The following KDM5A variants were observed in gnomAD, a reference collection of about 807,000 sequenced individuals.
KDM5A encodes the protein lysine demethylase 5A.
A neutral mutation model predicts 193.5 loss-of-function variants in KDM5A; 42 were observed. The ratio of observed to expected loss-of-function variants is 0.22; its 90% CI spans 0.17 to 0.28. KDM5A has a LOEUF of 0.28. Among genes scored for constraint, KDM5A ranks in the 10% least tolerant of loss-of-function variants. The probability of loss-of-function intolerance (pLI) is 1.00; values close to 1 mark genes in which losing one functional copy is unlikely to be tolerated. For synonymous variants in KDM5A, 796 were observed against 718.1 expected (o/e 1.11, Z -1.73); for missense variants, 1,692 against 2,055.1 (o/e 0.82, Z 3.42).
intron 5 of KDM5A, among the ~76,000 whole-genome samples, chr12:360,980 T>C (rs1944287151): frequency 6.6e-6 from 1 of 152,154 alleles, no homozygotes; most frequent in Non-Finnish European, 1.5e-5. Context: ...AGTAGTTTTG[T>C]GTACGGGGCA....
At chr12:306,517 C>A (rs1430279692) in intron 24 of KDM5A, among the ~76,000 whole-genome samples, 1 of 152,000 alleles carries the variant, frequency 6.6e-6, no homozygotes, top group Non-Finnish European at 1.5e-5. Flanking sequence ...CCGAGGCAGG[C>A]AGGTCACTTC....
rs183438937 is a variant in KDM5A at position 280,232 on chromosome 12, T to A, written c.*5224A>T. On this transcript the variant is annotated 3_prime_UTR_variant, in exon 28 of 28. Transcript: ENST00000399788. ...CTACTTTTACAATGTGTACAATGTT[T>A]CACCATGTTCCAATTAATGGTTGAG... 2.6e-5 allele frequency: 6 copies of A among 232,960 alleles called. No individual in the cohort carries two copies. The highest frequency in any genetic ancestry group is 1.3e-4 in the African/African-American group (6 of 45,464). The allele number at this position is 232,960 out of a possible 1,614,324, so 14.4% of individuals were successfully genotyped here.
chr12:388,573 A>G, intron 1 of KDM5A: 2 of 381,144 alleles, frequency 5.2e-6, no homozygotes, highest in Non-Finnish European at 1.0e-5. Context: ...ATAAAGAGAT[A>G]GCCGACTATC....
In KDM5A at chr12:281,492, A is replaced by C. The variant is rs1943153644; in HGVS notation, c.*3964T>G. On this transcript the variant is annotated 3_prime_UTR_variant, in exon 28 of 28. Coordinates refer to ENST00000399788, the MANE Select transcript of KDM5A (RefSeq NM_001042603.3). ...ATTCTTCCTCATACTACAGTAGGAGATACCACTTGGGACATTCATATCCAA... is the reference window on the plus strand; with the variant it reads ...ATTCTTCCTCATACTACAGTAGGAGCTACCACTTGGGACATTCATATCCAA... The C allele has an allele frequency of 4.3e-6, 1 of 233,122 alleles. No individual in the cohort carries two copies. The highest frequency in any genetic ancestry group is 8.5e-6 in the Non-Finnish European group (1 of 118,040). 14.4% of individuals were successfully genotyped at this position (233,122 alleles called of 1,614,324 possible). A position where few individuals can be genotyped will look rare whatever the true frequency, so the allele number is the denominator to read the frequency against.
intron 3 of KDM5A, among the ~76,000 whole-genome samples, chr12:372,806 T>C (rs1053587919): frequency 6.6e-6 from 1 of 152,224 alleles, no homozygotes; most frequent in African/African-American, 2.4e-5. Context: ...CATGAAGCAT[T>C]GTTGAATTTT....
intron 9 of KDM5A, 28 bp downstream of exon 9, chr12:352,176 CG>C: frequency 3.8e-6 from 6 of 1,597,370 alleles, no homozygotes; most frequent in Non-Finnish European, 5.1e-6. Flanking sequence ...TGTACCTCCC[CG>C]GACCGACCTA....
At chr12:326,469 A>G (rs1020196392) in intron 14 of KDM5A, among the ~76,000 whole-genome samples, 1 of 152,250 alleles carries the variant, frequency 6.6e-6, no homozygotes, top group Admixed American at 6.5e-5. Context: ...ACAATCAAAG[A>G]GACTAAAAAA....
intron 24 of KDM5A, 139 bp from the exon 25 acceptor site, chr12:297,339 A>G: frequency 1.3e-6 from 1 of 782,730 alleles, no homozygotes; most frequent in South Asian, 1.6e-5. Flanking sequence ...CTGATGTTAA[A>G]TAAGATAGAA....
At chr12:362,465 T>A (rs1214606842) in intron 5 of KDM5A, among the ~76,000 whole-genome samples, 1 of 152,230 alleles carries the variant, frequency 6.6e-6, no homozygotes, top group Non-Finnish European at 1.5e-5. Context: ...ATTTATACTC[T>A]GGTTTTTAAA....
intron 10 of KDM5A, among the ~76,000 whole-genome samples, chr12:350,295 G>C (rs1400999313): frequency 6.6e-6 from 1 of 151,968 alleles, no homozygotes; most frequent in East Asian, 1.9e-4. Context: ...AATTAGCCGG[G>C]CATAATAGCG....
At chr12:319,356 C>T (rs1018360557) in intron 18 of KDM5A, among the ~76,000 whole-genome samples, 2 of 152,142 alleles carry the variant, frequency 1.3e-5, no homozygotes, top group African/African-American at 4.8e-5. Context: ...GGACAATAAA[C>T]GGTTTGCTTT....
At chr12:357,101 G>T (rs892527567) in intron 5 of KDM5A, among the ~76,000 whole-genome samples, 8 of 152,012 alleles carry the variant, frequency 5.3e-5, no homozygotes, top group African/African-American at 1.9e-4. Flanking sequence ...ACAACACAGG[G>T]GAGACCCCAT....
intron 14 of KDM5A, among the ~76,000 whole-genome samples, chr12:328,126 TAC>T (rs1272548652): frequency 2.6e-5 from 4 of 152,226 alleles, no homozygotes; most frequent in Admixed American, 2.6e-4. Context: ...CATGGGTATA[TAC>T]AGAGTCAAAA....
Position 349,855 on chromosome 12 carries a change from C to T in KDM5A, c.1308+766G>A, listed in dbSNP as rs563738398. Among the ~76,000 whole-genome samples the T allele has an allele frequency of 3.9e-3, 589 of 152,018 alleles. 3 individuals carry two copies. Among genetic ancestry groups the T allele is most frequent in the African/African-American group, 0.012 (497 of 41,448 alleles). ...GTTTTAAAATGCAGAGCTGGCCGGG[C>T]GCAGTGACTCACGCCTGTAATCCCA... On this transcript the variant is annotated intron_variant, in intron 10 of 27. Transcript: ENST00000399788.
chr12:292,495 G>A (rs1156850847), intron 27 of KDM5A, among the ~76,000 whole-genome samples: 4 of 152,260 alleles, frequency 2.6e-5, no homozygotes, highest in Non-Finnish European at 5.9e-5. Context: ...GAAATGCACT[G>A]TTTGCCAGGG....
chr12:308,994 T>G (rs1219960041), intron 22 of KDM5A, among the ~76,000 whole-genome samples: 3 of 152,136 alleles, frequency 2.0e-5, no homozygotes, highest in Admixed American at 6.6e-5. Flanking sequence ...AACACAATAG[T>G]AATAAGAGTC....
chr12:297,734 G>T (rs1943391279), intron 24 of KDM5A, among the ~76,000 whole-genome samples: 1 of 152,112 alleles, frequency 6.6e-6, no homozygotes, highest in African/African-American at 2.4e-5. Flanking sequence ...CACAGACATA[G>T]AATTTAGAAT....
At chr12:381,320 G>T (rs1944570253) in intron 3 of KDM5A, among the ~76,000 whole-genome samples, 2 of 151,606 alleles carry the variant, frequency 1.3e-5, no homozygotes, top group South Asian at 4.2e-4. Context: ...ATGTTGGCCA[G>T]GCTGGTCTCA....
In KDM5A at chr12:284,379, C is replaced by T. The variant is rs1211224996; in HGVS notation, c.*1077G>A. ...ACAACTTCATCACCCAGAGGTACTACAACCCCACATCCTCTGATGAAGCCA... is the reference window on the plus strand; with the variant it reads ...ACAACTTCATCACCCAGAGGTACTATAACCCCACATCCTCTGATGAAGCCA... On this transcript the variant is annotated 3_prime_UTR_variant, in exon 28 of 28. Transcript: ENST00000399788. 4.3e-6 allele frequency: 1 copy of T among 230,778 alleles called. No homozygotes were observed. The highest frequency in any genetic ancestry group is 8.6e-6 in the Non-Finnish European group (1 of 116,594). 14.3% of individuals were successfully genotyped at this position (230,778 alleles called of 1,614,324 possible).
Sources: gnomAD v4.1 joint callset for allele counts (sites outside exome capture counted in the v4.1 genomes callset) on GRCh38, gnomAD v4.1.1 for gene constraint, MANE v1.5 for transcripts, NCBI Gene and HGNC (gene_info 2026-07-23, HGNC 2026-07-21) for gene names.